CHN2: variants seen among roughly 807,000 people sequenced by gnomAD.
CHN2 encodes the protein beta-chimaerin.
A neutral mutation model predicts 56.3 loss-of-function variants in CHN2; 35 were observed. That is an observed-to-expected ratio of 0.62 (90% CI 0.47 to 0.82). CHN2 has a LOEUF of 0.82. Ranked by LOEUF, CHN2 falls within the 40% of genes least tolerant of loss-of-function variation. CHN2 has a pLI of 0.00. For synonymous variants in CHN2, 210 were observed against 212.8 expected, an observed-to-expected ratio of 0.99 and a Z score of 0.12; for missense variants, 491 against 580.5, an observed-to-expected ratio of 0.85 and a Z score of 1.58.
At chr7:29,368,582 T>G (rs1034775227) in intron 3 of CHN2, among the ~76,000 whole-genome samples, 1 of 152,172 alleles carries the variant, frequency 6.6e-6, no homozygotes, top group Non-Finnish European at 1.5e-5. Context: ...ATACTTAATA[T>G]CCTTCAAATC....
intron 4 of CHN2, among the ~76,000 whole-genome samples, chr7:29,395,041 C>T (rs1342061717): frequency 6.6e-6 from 1 of 151,910 alleles, no homozygotes; most frequent in Non-Finnish European, 1.5e-5. Context: ...TTTTTTCTTC[C>T]ACTTAAAAAG....
chr7:29,283,700 C>A (rs1389477224), intron 1 of CHN2, among the ~76,000 whole-genome samples: 1 of 152,072 alleles, frequency 6.6e-6, no homozygotes, highest in African/African-American at 2.4e-5. Flanking sequence ...CTCACCACAA[C>A]CTCCACCTCC....
upstream of CHN2, chr7:29,192,866 A>G (rs764001617): frequency 5.3e-5 from 8 of 152,250 alleles, no homozygotes; most frequent in Non-Finnish European, 1.2e-4. Context: ...ATAGTCCACC[A>G]TCTAAAGATC....
chr7:29,415,495 T>TAAAAA (rs55719273), intron 6 of CHN2, among the ~76,000 whole-genome samples: 5 of 151,990 alleles, frequency 3.3e-5, no homozygotes, highest in South Asian at 2.1e-4. Flanking sequence ...AATGGAGTCC[T>TAAAAA]AAAAACAAAA....
chr7:29,232,668 GGCTT>G (rs2067163), intron 1 of CHN2, among the ~76,000 whole-genome samples: 56,554 of 151,630 alleles, frequency 0.37, 10,672 homozygotes, highest in East Asian at 0.54. Context: ...ACAGTGTTGG[GGCTT>G]GGTTGAGGTC....
In CHN2 at chr7:29,509,403, A is replaced by G. The variant is rs772757394; in HGVS notation, c.1232A>G (p.Lys411Arg). Residue 411 changes from lysine to arginine, a missense_variant, in exon 12 of 13, where the codon AAA becomes AGA. By Grantham distance (26) the Lys-to-Arg change is conservative. Coordinates refer to ENST00000222792, the MANE Select transcript of CHN2 (RefSeq NM_004067.4). Reference sequence around the variant, plus strand: ...CTCCGGTACCTAATGATCCACCTCAAAAAGTAAGCTCATGTCTCGTGCACA... The same window carrying G: ...CTCCGGTACCTAATGATCCACCTCAGAAAGTAAGCTCATGTCTCGTGCACA... The part of the protein sequence containing the change: ...ETLRYLMIHL[K>R]KVTMNEKDNF... The G allele has an allele frequency of 1.9e-5, 31 of 1,612,600 alleles. No homozygotes were observed. The Admixed American group carries it at 4.2e-4, about 22-fold the overall frequency.
intron 6 of CHN2, among the ~76,000 whole-genome samples, chr7:29,448,055 T>C (rs849918): frequency 0.5 from 76,527 of 152,040 alleles, 21,923 homozygotes; most frequent in African/African-American, 0.79. Flanking sequence ...GCAGAAACCT[T>C]CCCCATTTAC....
At chr7:29,228,431 A>G (rs1786396080) in intron 1 of CHN2, among the ~76,000 whole-genome samples, 1 of 152,220 alleles carries the variant, frequency 6.6e-6, no homozygotes, top group Admixed American at 6.5e-5. Flanking sequence ...AGGCTCCAGC[A>G]TACGCTGTCT....
rs201800010 is a variant in CHN2 at position 29,374,893 on chromosome 7, CT to C, written c.144+6918del. ...TCTCCCTTTCTCCCTTTCTCTCTTT[CT>C]TTTTTTTTTTTGACGGAGTTTCGCT... On this transcript the variant is annotated intron_variant, in intron 3 of 12. Coordinates refer to ENST00000222792, the MANE Select transcript of CHN2 (RefSeq NM_004067.4). Among the ~76,000 whole-genome samples, 2,098 of 134,450 alleles carry C rather than the reference CT, an allele frequency of 0.016. 123 individuals are homozygous for C. In the East Asian group the frequency reaches 0.17, roughly 11 times the overall value. The allele number at this position is 134,450 out of a possible 152,430, so 88.2% of individuals were successfully genotyped here.
rs117325431 is a variant in CHN2 at position 29,373,897 on chromosome 7, T to C, written c.144+5910T>C. Among the ~76,000 whole-genome samples the C allele has an allele frequency of 1.1e-4, 16 of 152,320 alleles. No individual in the cohort carries two copies. In the East Asian group the frequency reaches 3.1e-3, roughly 29 times the overall value. On this transcript the variant is annotated intron_variant, in intron 3 of 12. Transcript: ENST00000222792. ...CTACCATTCCACAGTTCTCCCCCTT[T>C]TCTTCTTTTATTTATTGAAATAAAT...
At chr7:29,475,901 T>A (rs1262005348) in intron 6 of CHN2, among the ~76,000 whole-genome samples, 1 of 152,248 alleles carries the variant, frequency 6.6e-6, no homozygotes, top group East Asian at 1.9e-4. Context: ...GCAGTGGTAC[T>A]GATGGGTACA....
At chr7:29,484,979 T>A (rs1260278377) in intron 7 of CHN2, among the ~76,000 whole-genome samples, 2 of 152,230 alleles carry the variant, frequency 1.3e-5, no homozygotes, top group Non-Finnish European at 2.9e-5. Context: ...TAAAGAAAAG[T>A]TTTCATGGAT....
chr7:29,300,595 T>A (rs906676875), intron 1 of CHN2, among the ~76,000 whole-genome samples: 1 of 152,208 alleles, frequency 6.6e-6, no homozygotes, highest in Admixed American at 6.5e-5. Context: ...CAAAATGATA[T>A]GGTGGGTCAA....
intron 6 of CHN2, among the ~76,000 whole-genome samples, chr7:29,435,901 TTTTTTTTTC>T (rs1336385628): frequency 2.0e-5 from 3 of 151,152 alleles, no homozygotes; most frequent in Non-Finnish European, 2.9e-5. Flanking sequence ...CTCCTTTTTT[TTTTTTTTTC>T]TTTTTTCATG....
At chr7:29,219,217 A>G (rs546148956) in intron 1 of CHN2, among the ~76,000 whole-genome samples, 17 of 152,294 alleles carry the variant, frequency 1.1e-4, no homozygotes, top group African/African-American at 4.1e-4. Flanking sequence ...ACCGTTTCCC[A>G]CCACTGTGTA....
At chr7:29,259,341 AACAAACAAACAT>A (rs1457740090) in intron 1 of CHN2, among the ~76,000 whole-genome samples, 1 of 141,670 alleles carries the variant, frequency 7.1e-6, no homozygotes, top group Non-Finnish European at 1.6e-5. Flanking sequence ...AAAAAACCCA[AACAAACAAACAT>A]ACAAACAAAA....
At chr7:29,394,828 A>C (rs1034716) in intron 4 of CHN2, among the ~76,000 whole-genome samples, 1 of 152,008 alleles carries the variant, frequency 6.6e-6, no homozygotes, top group Non-Finnish European at 1.5e-5. Flanking sequence ...TTTATTATGC[A>C]TTTTCTTTTT....
chr7:29,337,966 C>T (rs1485635432), intron 1 of CHN2, among the ~76,000 whole-genome samples: 1 of 152,164 alleles, frequency 6.6e-6, no homozygotes, highest in Non-Finnish European at 1.5e-5. Context: ...ACTGGAGGCT[C>T]CCAGTCTCAG....
At chr7:29,314,077 C>T (rs1305181806) in intron 1 of CHN2, among the ~76,000 whole-genome samples, 1 of 152,100 alleles carries the variant, frequency 6.6e-6, no homozygotes, top group African/African-American at 2.4e-5. Flanking sequence ...TAATTAAAGG[C>T]AAAATTTCCA....
Sources: allele counts gnomAD v4.1 joint callset (sites outside exome capture counted in the v4.1 genomes callset), GRCh38; gene constraint gnomAD v4.1.1; transcripts MANE v1.5; gene names NCBI Gene and HGNC (gene_info 2026-07-23, HGNC 2026-07-21).